The following DSCAM variants were observed in gnomAD, a reference collection of about 807,000 sequenced individuals.
DSCAM encodes cell adhesion molecule DSCAM.
In DSCAM, 47 loss-of-function variants were observed where a neutral mutation model predicts 217.7. That is an observed-to-expected ratio of 0.22 (90% confidence interval 0.17 to 0.28). The LOEUF is 0.28. DSCAM is among the 10% of genes least tolerant of loss of function. The pLI is 1.00. For missense variants in DSCAM, 2,080 were observed against 2,618.3 expected (o/e 0.79, Z 4.49); for synonymous variants, 1,056 against 1,015.3 (o/e 1.04, Z -0.76).
chr21:40,522,069 G>C (rs899560689), intron 3 of DSCAM, among the ~76,000 whole-genome samples: 1 of 152,076 alleles, frequency 6.6e-6, no homozygotes, highest in East Asian at 1.9e-4. Context: ...GAATTATTTT[G>C]CCCAAAATGT....
chr21:40,234,333 G>C (rs1231002499), intron 11 of DSCAM, among the ~76,000 whole-genome samples: 1 of 152,160 alleles, frequency 6.6e-6, no homozygotes, highest in Non-Finnish European at 1.5e-5. Context: ...ACATCTCTGA[G>C]CCACACAGTT....
At chr21:40,237,519 C>T (rs1175985429) in intron 11 of DSCAM, among the ~76,000 whole-genome samples, 1 of 152,284 alleles carries the variant, frequency 6.6e-6, no homozygotes, top group African/African-American at 2.4e-5. Context: ...CCAGCTTCAT[C>T]CATGTCCCTG....
At chr21:40,037,956 C>G (rs1436964805) in intron 32 of DSCAM, among the ~76,000 whole-genome samples, 3 of 146,158 alleles carry the variant, frequency 2.1e-5, no homozygotes, top group Non-Finnish European at 3.0e-5. Context: ...GGAAAACTGG[C>G]TAGCCATATG....
chr21:40,073,683 A>G (rs560625876), intron 27 of DSCAM, among the ~76,000 whole-genome samples: 2 of 152,030 alleles, frequency 1.3e-5, no homozygotes, highest in Middle Eastern at 3.4e-3. Flanking sequence ...TTGAAGCCCT[A>G]TTTCTGTATT....
intron 20 of DSCAM, among the ~76,000 whole-genome samples, chr21:40,107,988 A>T (rs2089843440): frequency 6.6e-6 from 1 of 152,124 alleles, no homozygotes; most frequent in African/African-American, 2.4e-5. Flanking sequence ...CTCTCAATAA[A>T]CTAGTTATTG....
At chr21:40,131,222 C>T (rs891179787) in intron 19 of DSCAM, among the ~76,000 whole-genome samples, 9 of 152,136 alleles carry the variant, frequency 5.9e-5, no homozygotes, top group Non-Finnish European at 4.4e-5. Context: ...TCTGAATTGT[C>T]CTTTGTCCCT....
At chr21:40,181,565 G>T (rs533512802) in intron 14 of DSCAM, among the ~76,000 whole-genome samples, 5 of 152,208 alleles carry the variant, frequency 3.3e-5, no homozygotes, top group African/African-American at 4.8e-5. Context: ...AAGAAGGGCT[G>T]GGATTTGGCC....
At chr21:40,627,574 C>A (rs534766544) in intron 3 of DSCAM, among the ~76,000 whole-genome samples, 1 of 152,154 alleles carries the variant, frequency 6.6e-6, no homozygotes, top group Non-Finnish European at 1.5e-5. Context: ...ACTTAAGTCA[C>A]CTTGAAATAC....
chr21:40,506,472 G>GA lies in DSCAM; in HGVS notation c.509-137228dup, dbSNP rs1289743388. 2.6e-5 allele frequency among the ~76,000 whole-genome samples: 4 copies of GA among 152,258 alleles called. No individual in the cohort carries two copies. In the East Asian group the frequency reaches 7.7e-4, roughly 29 times the overall value. On this transcript the variant is annotated intron_variant, in intron 3 of 32. Coordinates refer to ENST00000400454, the MANE Select transcript of DSCAM (RefSeq NM_001389.5). ...TTATTTGCTCCTTCTTGCTTCATTGGAAAAATCAAGTGGCTCAAACAAAAT... is the reference window on the plus strand; with the variant it reads ...TTATTTGCTCCTTCTTGCTTCATTGGAAAAAATCAAGTGGCTCAAACAAAAT...
intron 3 of DSCAM, among the ~76,000 whole-genome samples, chr21:40,661,517 G>C (rs1157315494): frequency 6.6e-6 from 1 of 152,166 alleles, no homozygotes; most frequent in South Asian, 2.1e-4. Flanking sequence ...GGATAAGAGA[G>C]ACAACATCCC....
chr21:40,441,020 C>T (rs2075625534), intron 3 of DSCAM, among the ~76,000 whole-genome samples: 1 of 152,120 alleles, frequency 6.6e-6, no homozygotes, highest in Non-Finnish European at 1.5e-5. Flanking sequence ...GCCCTTCTTT[C>T]CCCCAACCCC....
chr21:40,283,298 C>G (rs1274607791), intron 10 of DSCAM, among the ~76,000 whole-genome samples: 1 of 152,190 alleles, frequency 6.6e-6, no homozygotes, highest in Non-Finnish European at 1.5e-5. Context: ...TGGTAACCAG[C>G]AGTCATTAAT....
chr21:40,585,334 TGCG>T (rs2076937332), intron 3 of DSCAM, among the ~76,000 whole-genome samples: 1 of 53,338 alleles, frequency 1.9e-5, no homozygotes, highest in Non-Finnish European at 5.0e-5. Flanking sequence ...AGAAAAATGC[TGCG>T]TGAACCCGGG....
chr21:40,180,880 C>T (rs779343194), intron 14 of DSCAM, among the ~76,000 whole-genome samples: 1 of 152,052 alleles, frequency 6.6e-6, no homozygotes, highest in African/African-American at 2.4e-5. Flanking sequence ...ACAGTCCCCT[C>T]TTGGTGGTCA....
intron 3 of DSCAM, among the ~76,000 whole-genome samples, chr21:40,485,291 TGA>T (rs2076016759): frequency 2.1e-5 from 3 of 143,340 alleles, no homozygotes; most frequent in Non-Finnish European, 4.5e-5. Context: ...CAGGCTGGAG[TGA>T]GTGCAGTGGC....
At chr21:40,360,194 T>C (rs1008736201) in intron 4 of DSCAM, among the ~76,000 whole-genome samples, 3 of 142,530 alleles carry the variant, frequency 2.1e-5, no homozygotes, top group Admixed American at 1.5e-4. Flanking sequence ...TGCAGTGGCG[T>C]GATCTTAGCT....
At chr21:40,281,669 G>T (rs1418475271) in intron 10 of DSCAM, among the ~76,000 whole-genome samples, 8 of 152,062 alleles carry the variant, frequency 5.3e-5, no homozygotes, top group Non-Finnish European at 1.2e-4. Flanking sequence ...TTTTAAATCT[G>T]CATCAATGCT....
intron 1 of DSCAM, among the ~76,000 whole-genome samples, chr21:40,822,510 A>G (rs1200581350): frequency 6.6e-6 from 1 of 152,038 alleles, no homozygotes; most frequent in Admixed American, 6.6e-5. Context: ...GAAATGGCCA[A>G]CTAAGAAACC....
intron 3 of DSCAM, among the ~76,000 whole-genome samples, chr21:40,560,621 T>C (rs1348336454): frequency 6.6e-6 from 1 of 152,230 alleles, no homozygotes; most frequent in Non-Finnish European, 1.5e-5. Context: ...ACCTCTAACA[T>C]ACTGAACATC....
Sources: allele counts gnomAD v4.1 joint callset (sites outside exome capture counted in the v4.1 genomes callset), GRCh38; gene constraint gnomAD v4.1.1; transcripts MANE v1.5; gene names NCBI Gene and HGNC (gene_info 2026-07-23, HGNC 2026-07-21).